The following SGCZ variants were observed in gnomAD, a reference collection of about 807,000 sequenced individuals.
SGCZ encodes the protein zeta-sarcoglycan.
Under a neutral mutation model 41.3 loss-of-function variants are expected in SGCZ, and 40 were observed. The observed-to-expected ratio is 0.97, with a 90% CI of 0.75 to 1.26. The LOEUF is 1.26. Ranked by LOEUF, SGCZ falls within the 50% of genes most tolerant of loss-of-function variation. SGCZ has a pLI of 0.00. For missense variants in SGCZ, 552 were observed against 369.8 expected, an observed-to-expected ratio of 1.49 and a Z score of -4.04; for synonymous variants, 206 against 137.5, an observed-to-expected ratio of 1.50 and a Z score of -3.49.
intron 1 of SGCZ, among the ~76,000 whole-genome samples, chr8:14,648,920 T>C (rs1807309957): frequency 6.6e-6 from 1 of 152,122 alleles, no homozygotes; most frequent in South Asian, 2.1e-4. Context: ...ATAAATTGTG[T>C]CTTATCTGGG....
intron 1 of SGCZ, among the ~76,000 whole-genome samples, chr8:15,017,570 C>CTCAATG (rs1803084914): frequency 6.6e-6 from 1 of 152,030 alleles, no homozygotes; most frequent in East Asian, 1.9e-4. Context: ...GGCACAACCA[C>CTCAATG]GGCTCAATGC....
At chr8:14,751,983 C>T (rs1270294760) in intron 1 of SGCZ, among the ~76,000 whole-genome samples, 4 of 150,948 alleles carry the variant, frequency 2.6e-5, no homozygotes, top group Non-Finnish European at 4.4e-5. Flanking sequence ...GATTTGAGGA[C>T]AGACACAATG....
At chr8:14,415,480 C>T (rs1442990251) in intron 2 of SGCZ, among the ~76,000 whole-genome samples, 1 of 151,798 alleles carries the variant, frequency 6.6e-6, no homozygotes, top group Non-Finnish European at 1.5e-5. Flanking sequence ...GCCATAGGTC[C>T]TGAAAATATC....
intron 1 of SGCZ, among the ~76,000 whole-genome samples, chr8:14,591,549 G>A (rs1260053580): frequency 6.6e-6 from 1 of 152,052 alleles, no homozygotes; most frequent in African/African-American, 2.4e-5. Context: ...AGTTTGTGAT[G>A]TAAGCACAAT....
intron 1 of SGCZ, among the ~76,000 whole-genome samples, chr8:15,012,232 G>T (rs1417297005): frequency 6.6e-6 from 1 of 151,950 alleles, no homozygotes; most frequent in African/African-American, 2.4e-5. Flanking sequence ...GGAAGATGAG[G>T]TGGGAGGATC....
chr8:15,031,119 T>C (rs895627580), intron 1 of SGCZ, among the ~76,000 whole-genome samples: 2 of 152,148 alleles, frequency 1.3e-5, no homozygotes, highest in Admixed American at 6.5e-5. Context: ...CAGAGTTTCA[T>C]AAAACCAATC....
chr8:14,907,898 A>G (rs903620749), intron 1 of SGCZ, among the ~76,000 whole-genome samples: 5 of 152,132 alleles, frequency 3.3e-5, no homozygotes, highest in African/African-American at 7.2e-5. Flanking sequence ...ACAAATAACC[A>G]TTTGAGGAGA....
chr8:14,724,194 T>C (rs2250521), intron 1 of SGCZ, among the ~76,000 whole-genome samples: 124,841 of 152,090 alleles, frequency 0.82, 51,615 homozygotes, highest in African/African-American at 0.94. Context: ...TGACCCTGAA[T>C]GTTGTGTTCT....
chr8:14,194,619 C>A (rs1373726507), intron 4 of SGCZ, among the ~76,000 whole-genome samples: 2 of 151,698 alleles, frequency 1.3e-5, no homozygotes, highest in Admixed American at 6.6e-5. Flanking sequence ...CTGCTTCTGG[C>A]CAATATAGAG....
chr8:14,492,210 T>C (rs906609635), intron 2 of SGCZ, among the ~76,000 whole-genome samples: 2 of 152,188 alleles, frequency 1.3e-5, no homozygotes, highest in African/African-American at 4.8e-5. Flanking sequence ...AGTTACATCA[T>C]CACAACCTTT....
At chr8:14,142,182 G>A (rs1288576569) in intron 5 of SGCZ, among the ~76,000 whole-genome samples, 3 of 152,150 alleles carry the variant, frequency 2.0e-5, no homozygotes, top group Non-Finnish European at 4.4e-5. Context: ...TGGAGGCATG[G>A]GGGAGGGATA....
At chr8:15,193,500 G>A (rs879289400) in intron 1 of SGCZ, among the ~76,000 whole-genome samples, 2 of 151,920 alleles carry the variant, frequency 1.3e-5, no homozygotes, top group Non-Finnish European at 2.9e-5. Flanking sequence ...ATGGTACTTT[G>A]GAGATGAAAA....
intron 1 of SGCZ, among the ~76,000 whole-genome samples, chr8:14,852,682 A>G (rs1014228872): frequency 1.3e-5 from 2 of 152,148 alleles, no homozygotes; most frequent in Non-Finnish European, 2.9e-5. Flanking sequence ...ATTTTTGTTC[A>G]TATTTAGTTT....
chr8:14,189,253 C>T (rs1805013829), intron 4 of SGCZ, among the ~76,000 whole-genome samples: 1 of 152,114 alleles, frequency 6.6e-6, no homozygotes, highest in African/African-American at 2.4e-5. Flanking sequence ...CATCTTGTTG[C>T]TTTACTTCCC....
At chr8:14,583,198 A>G (rs1804950653) in intron 1 of SGCZ, among the ~76,000 whole-genome samples, 1 of 150,890 alleles carries the variant, frequency 6.6e-6, no homozygotes, top group Non-Finnish European at 1.5e-5. Context: ...AATGATCGCC[A>G]TTCTAACTGG....
intron 1 of SGCZ, among the ~76,000 whole-genome samples, chr8:15,204,059 C>A (rs553413834): frequency 6.6e-6 from 1 of 152,226 alleles, no homozygotes; most frequent in South Asian, 2.1e-4. Flanking sequence ...CCATAATTAA[C>A]TTTTGAAATT....
intron 1 of SGCZ, among the ~76,000 whole-genome samples, chr8:15,078,009 A>AC (rs1455865335): frequency 8.1e-3 from 1 of 124 alleles, no homozygotes; most frequent in African/African-American, 0.026. Context: ...ACTGGACTGG[A>AC]GGCCCCATGC....
At position 14,598,859 on chromosome 8, in the gene SGCZ, A is replaced by G. The variant is rs1805498232; in HGVS notation, c.40-43933T>C. 2.0e-5 allele frequency among the ~76,000 whole-genome samples: 3 copies of G among 152,006 alleles called. No homozygotes were observed. The South Asian group carries it at 6.2e-4, about 32-fold the overall frequency. On this transcript the variant is annotated intron_variant, in intron 1 of 7. Coordinates refer to ENST00000382080, the MANE Select transcript of SGCZ (RefSeq NM_139167.4). ...ATATTTAAAAATATTAGACACTCCT[A>G]TCTTTCCATTGCAATCATTTAGGGA...
chr8:14,230,763 T>TA (rs1554483192), intron 4 of SGCZ, among the ~76,000 whole-genome samples: 9 of 126,698 alleles, frequency 7.1e-5, no homozygotes, highest in Admixed American at 3.2e-4. Flanking sequence ...TTTTTGGTGG[T>TA]GGTGGGGGGG....
Sources: gnomAD v4.1 joint callset for allele counts (sites outside exome capture counted in the v4.1 genomes callset) on GRCh38, gnomAD v4.1.1 for gene constraint, MANE v1.5 for transcripts, NCBI Gene and HGNC (gene_info 2026-07-23, HGNC 2026-07-21) for gene names.